Variants in ZNF680 observed in about 807,000 individuals in gnomAD.
The protein encoded by ZNF680 is hypothetical protein FLJ90430.
Under a neutral mutation model 12.1 loss-of-function variants are expected in ZNF680, and 6 were observed. The ratio of observed to expected loss-of-function variants is 0.49; its 90% CI spans 0.27 to 0.98. The LOEUF (loss-of-function observed/expected upper bound fraction) is 0.98, where lower values mean the gene tolerates loss of function less well. Ranked by LOEUF, ZNF680 falls within the 50% of genes least tolerant of loss-of-function variation. The pLI is 0.12. For missense variants in ZNF680, 561 were observed against 616.3 expected (o/e 0.91, Z 0.95); for synonymous variants, 170 against 199.3 (o/e 0.85, Z 1.24).
At chr7:64,529,947 T>G (rs1289543958) in intron 3 of ZNF680, among the ~76,000 whole-genome samples, 1 of 152,166 alleles carries the variant, frequency 6.6e-6, no homozygotes, top group African/African-American at 2.4e-5. Flanking sequence ...AACAGCAGAT[T>G]TCTCAGCAGA....
At chr7:64,518,462 GGT>G (rs1791398280), downstream of ZNF680, among the ~76,000 whole-genome samples, 1 of 151,996 alleles carries the variant, frequency 6.6e-6, no homozygotes, top group Admixed American at 6.6e-5. Flanking sequence ...CTCATGGATT[GGT>G]AGAATCACTA....
chr7:64,522,091 C>A lies in ZNF680; in HGVS notation c.663G>T (p.Trp221Cys). ...CCTTATGTTTAATAAGCTCTGAGAA[C>A]CAGTTAAGAACTTTGCCACATTCCT... ...KCEECGKVLN[W>C]FSELIKHKGI... The change falls in exon 4 of 4, where the codon TGG becomes TGT. Residue 221 changes from tryptophan (W) to cysteine (C), a missense_variant. By Grantham distance (215) the Trp-to-Cys change is radical. Transcript: ENST00000309683. 9 of 1,611,770 alleles carry A rather than the reference C, an allele frequency of 5.6e-6. No individual in the cohort carries two copies. Among genetic ancestry groups the A allele is most frequent in the Non-Finnish European group, 7.6e-6 (9 of 1,179,010 alleles).
At chr7:64,518,895 A>G (rs1486502544), downstream of ZNF680, among the ~76,000 whole-genome samples, 1 of 152,078 alleles carries the variant, frequency 6.6e-6, no homozygotes, top group Non-Finnish European at 1.5e-5. Flanking sequence ...AAATTCTAGA[A>G]GATAACATTG....
chr7:64,532,382 C>A (rs533844936), intron 3 of ZNF680, among the ~76,000 whole-genome samples: 1,641 of 151,714 alleles, frequency 0.011, 27 homozygotes, highest in Middle Eastern at 0.014. Context: ...ACAACTGATA[C>A]CACATTAATA....
At chr7:64,542,869 T>A (rs1223888681) in intron 3 of ZNF680, among the ~76,000 whole-genome samples, 1 of 152,060 alleles carries the variant, frequency 6.6e-6, no homozygotes, top group Non-Finnish European at 1.5e-5. Flanking sequence ...AGGCTAATTT[T>A]TGTATTTTTA....
At chr7:64,524,178 G>A (rs1046227707) in intron 3 of ZNF680, among the ~76,000 whole-genome samples, 16 of 141,360 alleles carry the variant, frequency 1.1e-4, no homozygotes, top group Admixed American at 5.1e-4. Flanking sequence ...ATGGAGTTTC[G>A]CTCTTGTTGC....
intron 3 of ZNF680, chr7:64,525,087 A>C (rs1791765681): frequency 1.3e-5 from 2 of 152,170 alleles, no homozygotes; most frequent in South Asian, 4.1e-4. Context: ...TAAAGTACCC[A>C]AAAATCTGCA....
Position 64,521,343 on chromosome 7 carries a change from A to G in ZNF680, c.1411T>C (p.Phe471Leu), listed in dbSNP as rs1246055875. 5.6e-6 allele frequency: 9 copies of G among 1,613,542 alleles called. No homozygotes were observed. Among genetic ancestry groups the G allele is most frequent in the Non-Finnish European group, 7.6e-6 (9 of 1,179,656 alleles). The stretch of plus-strand genomic sequence containing the variant: ...TTAGCAAGAGTTGCAGGCCAGTTAA[A>G]AACATTGCCACATTCATCACATTTG... ...SYKCDECGNV[F>L]NWPATLANHK... The change falls in exon 4 of 4, where the codon TTT (phenylalanine) becomes CTT (leucine). Residue 471 changes from phenylalanine to leucine, a missense_variant. Phe to Leu is a conservative substitution (Grantham distance 22). Transcript: ENST00000309683.
chr7:64,555,731 A>T (rs1386017705), intron 1 of ZNF680, among the ~76,000 whole-genome samples: 2 of 88,662 alleles, frequency 2.3e-5, no homozygotes, highest in African/African-American at 6.1e-5. Context: ...TTTGTAAAAA[A>T]AAATATATAT....
chr7:64,508,504 A>T, the ZNF680 span, among the ~76,000 whole-genome samples: 1 of 152,182 alleles, frequency 6.6e-6, no homozygotes, highest in African/African-American at 2.4e-5. Context: ...GAGAGCTAAT[A>T]AATTTCCTGT....
At chr7:64,536,252 G>A (rs1190044198) in intron 3 of ZNF680, among the ~76,000 whole-genome samples, 1 of 151,690 alleles carries the variant, frequency 6.6e-6, no homozygotes, top group African/African-American at 2.4e-5. Context: ...AGACTGTATT[G>A]ATTATTTTGC....
chr7:64,510,917 AAAAAT>A, the ZNF680 span, among the ~76,000 whole-genome samples: 50 of 19,802 alleles, frequency 2.5e-3, 2 homozygotes, highest in African/African-American at 7.5e-3. Context: ...CTCAAAAAAA[AAAAAT>A]AAAAAATAAA....
chr7:64,522,570 T>G, intron 3 of ZNF680, 70 bp from the exon 4 acceptor site: 1 of 1,156,310 alleles, frequency 8.6e-7, no homozygotes, highest in Non-Finnish European at 1.1e-6. Context: ...CATATCAAAT[T>G]TATAAAATTA....
the ZNF680 span, among the ~76,000 whole-genome samples, chr7:64,509,660 C>A: frequency 6.6e-6 from 1 of 152,122 alleles, no homozygotes; most frequent in African/African-American, 2.4e-5. Context: ...ATCTGGGGTA[C>A]CCTGGGAGCC....
At chr7:64,531,347 G>C (rs558599443) in intron 3 of ZNF680, among the ~76,000 whole-genome samples, 3 of 152,244 alleles carry the variant, frequency 2.0e-5, no homozygotes, top group Non-Finnish European at 4.4e-5. Context: ...TGTAATCCCA[G>C]CACTTTGGAA....
downstream of ZNF680, among the ~76,000 whole-genome samples, chr7:64,517,446 T>C (rs529422590): frequency 7.2e-4 from 110 of 152,136 alleles, no homozygotes; most frequent in African/African-American, 2.4e-3. Context: ...GAGATTAAAA[T>C]CGTAATTTAA....
chr7:64,508,647 G>A, the ZNF680 span, among the ~76,000 whole-genome samples: 62 of 152,024 alleles, frequency 4.1e-4, no homozygotes, highest in Admixed American at 4.1e-3. Context: ...TTTTCACAGG[G>A]GACCTAAGCC....
Position 64,544,386 on chromosome 7 carries a change from T to G in ZNF680, c.77A>C (p.Glu26Ala). ...RDVAIEFSLEEWQCLDTAQRN... is the reference protein window; with the variant it reads ...RDVAIEFSLEAWQCLDTAQRN... ...TTGTGCAGTGTCCAGGCATTGCCAC[T>G]CCTCCAGAGAGAATTCTATGGCCAC... is the stretch of plus-strand genomic sequence containing the variant. The change falls in exon 2 of 4, where the codon GAG becomes GCG. Residue 26 changes from glutamate (E) to alanine (A), a missense_variant. Coordinates refer to ENST00000309683, the MANE Select transcript of ZNF680 (RefSeq NM_178558.5). 1.2e-6 allele frequency: 2 copies of G among 1,604,250 alleles called. No homozygotes were observed. Among genetic ancestry groups the G allele is most frequent in the Non-Finnish European group, 1.7e-6 (2 of 1,174,030 alleles).
intron 3 of ZNF680, among the ~76,000 whole-genome samples, chr7:64,528,057 G>A (rs925399945): frequency 6.6e-6 from 1 of 152,150 alleles, no homozygotes; most frequent in Non-Finnish European, 1.5e-5. Context: ...TGAAGGTCTA[G>A]TTTGTGGGAG....
Sources: allele counts gnomAD v4.1 joint callset (sites outside exome capture counted in the v4.1 genomes callset), GRCh38; gene constraint gnomAD v4.1.1; transcripts MANE v1.5; gene names NCBI Gene and HGNC (gene_info 2026-07-23, HGNC 2026-07-21).